MAST4: variants seen among roughly 807,000 people sequenced by gnomAD.
MAST4 encodes microtubule-associated serine/threonine-protein kinase 4.
A neutral mutation model predicts 162.7 loss-of-function variants in MAST4; 89 were observed. That is an observed-to-expected ratio of 0.55 (90% CI 0.46 to 0.65). MAST4 has a LOEUF of 0.65. Ranked by LOEUF, MAST4 falls within the 30% of genes least tolerant of loss-of-function variation. The pLI is 0.00. For missense variants in MAST4, 3,153 were observed against 3,374.0 expected (o/e 0.93, Z 1.62); for synonymous variants, 1,479 against 1,361.1 (o/e 1.09, Z -1.91).
At chr5:66,983,620 G>T (rs1749125101) in intron 4 of MAST4, among the ~76,000 whole-genome samples, 1 of 152,142 alleles carries the variant, frequency 6.6e-6, no homozygotes, top group African/African-American at 2.4e-5. Flanking sequence ...CCAGGCACAG[G>T]GGAAATGATT....
At chr5:66,623,586 T>A (rs754781403) in intron 1 of MAST4, among the ~76,000 whole-genome samples, 26 of 152,204 alleles carry the variant, frequency 1.7e-4, no homozygotes, top group African/African-American at 6.0e-4. Context: ...CATTATTTTA[T>A]GATTAAAAAC....
intron 5 of MAST4, among the ~76,000 whole-genome samples, chr5:67,064,359 A>G (rs566951239): frequency 7.9e-5 from 12 of 152,270 alleles, no homozygotes; most frequent in African/African-American, 2.9e-4. Flanking sequence ...AGCCAGCCCT[A>G]TCAGGTGCGT....
chr5:66,770,185 G>A (rs911558632), intron 2 of MAST4, among the ~76,000 whole-genome samples: 1 of 152,196 alleles, frequency 6.6e-6, no homozygotes, highest in African/African-American at 2.4e-5. Context: ...GTTTTAAGAA[G>A]CGTTAAAACC....
chr5:67,144,995 C>T (rs1322138404), intron 22 of MAST4, 149 bp from the exon 23 acceptor site: 2 of 878,336 alleles, frequency 2.3e-6, no homozygotes, highest in Non-Finnish European at 3.5e-6. Flanking sequence ...GATGTTGCTG[C>T]TGTGGGTACC....
At chr5:67,013,407 A>G (rs1479859091) in intron 4 of MAST4, among the ~76,000 whole-genome samples, 2 of 152,216 alleles carry the variant, frequency 1.3e-5, no homozygotes, top group African/African-American at 2.4e-5. Flanking sequence ...GGGTCATAGA[A>G]TTAGAAGGGG....
At chr5:66,939,822 T>G (rs1188215198) in intron 4 of MAST4, among the ~76,000 whole-genome samples, 1 of 152,128 alleles carries the variant, frequency 6.6e-6, no homozygotes. Flanking sequence ...AGCACACAAC[T>G]TTTTTGATTT....
intron 4 of MAST4, among the ~76,000 whole-genome samples, chr5:66,919,818 T>C (rs1256679551): frequency 1.3e-5 from 2 of 152,222 alleles, no homozygotes; most frequent in Non-Finnish European, 2.9e-5. Context: ...TAACTGGATG[T>C]CATGATTGAA....
At chr5:67,006,748 A>C (rs1240764200) in intron 4 of MAST4, among the ~76,000 whole-genome samples, 3 of 152,160 alleles carry the variant, frequency 2.0e-5, no homozygotes, top group Non-Finnish European at 4.4e-5. Flanking sequence ...GCCTGGCTTT[A>C]GGGCAGTACC....
rs952871270 is a variant in MAST4 at position 67,130,265 on chromosome 5, A to G, written c.1801A>G (p.Ile601Val). The change falls in exon 15 of 29, where the codon ATT becomes GTT. Residue 601 changes from isoleucine to valine, a missense_variant. Coordinates refer to ENST00000403625, the MANE Select transcript of MAST4 (RefSeq NM_001164664.2). ...ESRQRFAMKK[I>V]NKQNLILRNQ... The stretch of plus-strand genomic sequence containing the variant: ...CCGGCAGAGGTTTGCCATGAAGAAG[A>G]TTAATAAACAGAACCTCATCCTTCG... The G allele has an allele frequency of 1.9e-6, 3 of 1,613,630 alleles. No homozygotes were observed. In the African/African-American group the frequency reaches 4.0e-5, roughly 22 times the overall value.
chr5:66,657,084 A>G (rs1294544088), intron 1 of MAST4, among the ~76,000 whole-genome samples: 2 of 152,258 alleles, frequency 1.3e-5, no homozygotes, highest in Admixed American at 6.5e-5. Context: ...GTAAAGGTAG[A>G]AAACTTAAAA....
chr5:67,090,302 C>A, intron 6 of MAST4, 71 bp downstream of exon 6: 1 of 1,069,356 alleles, frequency 9.4e-7, no homozygotes, highest in Non-Finnish European at 1.4e-6. Context: ...CCTCTCCCCA[C>A]TTCTCCCCCT....
chr5:66,763,325 A>G (rs1753937374), intron 2 of MAST4, among the ~76,000 whole-genome samples: 1 of 152,216 alleles, frequency 6.6e-6, no homozygotes, highest in Non-Finnish European at 1.5e-5. Flanking sequence ...TAGGGCTCCC[A>G]GTCGTTTAAT....
intron 3 of MAST4, among the ~76,000 whole-genome samples, chr5:66,889,925 T>C (rs574220699): frequency 6.6e-6 from 1 of 152,348 alleles, no homozygotes; most frequent in Non-Finnish European, 1.5e-5. Context: ...TGGGTATGTC[T>C]GAATCCTGAT....
intron 1 of MAST4, among the ~76,000 whole-genome samples, chr5:66,741,199 C>G (rs143582159): frequency 2.0e-5 from 3 of 152,260 alleles, no homozygotes; most frequent in African/African-American, 7.2e-5. Flanking sequence ...TTCAAATGCC[C>G]CCCTCTTCAG....
chr5:67,133,760 C>G, intron 17 of MAST4, 114 bp downstream of exon 17: 1 of 1,121,062 alleles, frequency 8.9e-7, no homozygotes. Context: ...GTTTAGATGT[C>G]TGTATAAACC....
intron 3 of MAST4, among the ~76,000 whole-genome samples, chr5:66,817,500 G>C (rs1055614404): frequency 1.3e-5 from 2 of 152,162 alleles, no homozygotes; most frequent in African/African-American, 4.8e-5. Context: ...AAAGCTCAAG[G>C]AAGTGAGAGT....
At chr5:66,818,431 A>T (rs547146126) in intron 3 of MAST4, among the ~76,000 whole-genome samples, 1 of 82,152 alleles carries the variant, frequency 1.2e-5, no homozygotes, top group Admixed American at 1.1e-4. Flanking sequence ...CACTAAAAAT[A>T]AAAAAAAAAA....
At chr5:67,017,770 C>T (rs113518993) in intron 4 of MAST4, among the ~76,000 whole-genome samples, 7,989 of 151,590 alleles carry the variant, frequency 0.053, 661 homozygotes, top group African/African-American at 0.18. Flanking sequence ...AGCTAATTTT[C>T]GTGTTTTTAG....
chr5:66,925,801 C>G (rs1764849629), intron 4 of MAST4, among the ~76,000 whole-genome samples: 2 of 152,148 alleles, frequency 1.3e-5, no homozygotes, highest in Admixed American at 6.6e-5. Context: ...GCCTAGCACT[C>G]TCATTGACTA....
Sources: gnomAD v4.1 joint callset for allele counts (sites outside exome capture counted in the v4.1 genomes callset) on GRCh38, gnomAD v4.1.1 for gene constraint, MANE v1.5 for transcripts, NCBI Gene and HGNC (gene_info 2026-07-23, HGNC 2026-07-21) for gene names.